The following CRTC1 variants were observed in gnomAD, a reference collection of about 807,000 sequenced individuals.
CRTC1 encodes the protein CREB regulated transcription coactivator 1.
A neutral mutation model predicts 66.1 loss-of-function variants in CRTC1; 18 were observed. The ratio of observed to expected loss-of-function variants is 0.27; its 90% confidence interval spans 0.19 to 0.40. CRTC1 has a LOEUF of 0.40. CRTC1 is among the 10% of genes least tolerant of loss of function. The pLI is 1.00. For synonymous variants in CRTC1, 416 were observed against 398.8 expected, an observed-to-expected ratio of 1.04 and a Z score of -0.51; for missense variants, 669 against 887.9, an observed-to-expected ratio of 0.75 and a Z score of 3.13.
intron 1 of CRTC1, among the ~76,000 whole-genome samples, chr19:18,702,084 CG>C (rs778266861): frequency 2.2e-4 from 33 of 151,520 alleles, no homozygotes; most frequent in Non-Finnish European, 3.8e-4. Flanking sequence ...CCACCACACC[CG>C]GCTAATTTTG....
chr19:18,731,431 G>A (rs2053885915), intron 1 of CRTC1, among the ~76,000 whole-genome samples: 2 of 152,268 alleles, frequency 1.3e-5, no homozygotes, highest in South Asian at 4.2e-4. Context: ...CCTCTCATGG[G>A]GGCACCAGTC....
rs2055082591 is a variant in CRTC1 at position 18,780,488 on chromosome 19, G to A, written c.*3106G>A. The A allele has an allele frequency of 4.3e-6, 1 of 231,636 alleles. No homozygotes were observed. Among genetic ancestry groups the A allele is most frequent in the East Asian group, 6.1e-5 (1 of 16,376 alleles). 14.3% of individuals were successfully genotyped at this position (231,636 alleles called of 1,614,324 possible). On this transcript the variant is annotated 3_prime_UTR_variant, in exon 14 of 14. Transcript: ENST00000321949. Reference sequence around the variant, plus strand: ...TGGGTTTTCGGCTCTGGGGAGGAGAGTGTTGGCATCAGTGTGTTTGGCCTG... The same window carrying A: ...TGGGTTTTCGGCTCTGGGGAGGAGAATGTTGGCATCAGTGTGTTTGGCCTG...
intron 1 of CRTC1, among the ~76,000 whole-genome samples, chr19:18,731,875 G>A (rs1302370972): frequency 6.6e-6 from 1 of 152,208 alleles, no homozygotes; most frequent in African/African-American, 2.4e-5. Flanking sequence ...TTTAGGGCTA[G>A]CGCACACTGG....
chr19:18,719,668 G>T (rs994948303), intron 1 of CRTC1, among the ~76,000 whole-genome samples: 1 of 152,226 alleles, frequency 6.6e-6, no homozygotes, highest in Non-Finnish European at 1.5e-5. Flanking sequence ...GTGTCAGCAG[G>T]CAGATGCCGT....
chr19:18,720,026 G>T (rs978137426), intron 1 of CRTC1, among the ~76,000 whole-genome samples: 18 of 152,220 alleles, frequency 1.2e-4, no homozygotes, highest in Admixed American at 1.0e-3. Flanking sequence ...TTATTCAATT[G>T]GTGATAAGAT....
intron 6 of CRTC1, among the ~76,000 whole-genome samples, chr19:18,756,334 C>A (rs868554787): frequency 8.1e-4 from 59 of 73,200 alleles, no homozygotes; most frequent in South Asian, 2.0e-3. Context: ...AACTCCATCT[C>A]AAAAAAAAAA....
chr19:18,764,669 T>C (rs1057460715), intron 8 of CRTC1, among the ~76,000 whole-genome samples: 4 of 152,044 alleles, frequency 2.6e-5, no homozygotes, highest in Non-Finnish European at 5.9e-5. Flanking sequence ...GGGGGAAGGA[T>C]GTTAAGGAGT....
At position 18,760,576 on chromosome 19, in the gene CRTC1, G is replaced by C. The variant is rs921085859; in HGVS notation, c.886+348G>C. On this transcript the variant is annotated intron_variant, in intron 8 of 13. Transcript: ENST00000321949. This position sits in a 1 kb window ranked among gnomAD's most constrained non-coding sequence, Gnocchi z 6.2. ...CCTCCTCGACCCCAGCCCCTCATTG[G>C]GGGGCGGGACCAGGCCTGACCTGCT... 1.3e-5 allele frequency among the ~76,000 whole-genome samples: 2 copies of C among 151,786 alleles called. No homozygotes were observed. Among genetic ancestry groups the C allele is most frequent in the Non-Finnish European group, 2.9e-5 (2 of 67,884 alleles).
intron 9 of CRTC1, among the ~76,000 whole-genome samples, chr19:18,767,193 T>A (rs1358029465): frequency 1.3e-5 from 2 of 152,080 alleles, no homozygotes; most frequent in Non-Finnish European, 2.9e-5. Flanking sequence ...TTTTATTTTT[T>A]AATTTTAATT....
In CRTC1 at chr19:18,768,758, C is replaced by A. The variant is rs1258592925; in HGVS notation, c.1285C>A (p.Pro429Thr). 1 of 1,602,692 alleles carries A rather than the reference C, an allele frequency of 6.2e-7. No homozygotes were observed. The highest frequency in any genetic ancestry group is 2.3e-5 in the East Asian group (1 of 44,352). Residue 429 changes from proline to threonine, a missense_variant, in exon 10 of 14, where the codon CCT (proline) becomes ACT (threonine). Pro to Thr is a conservative substitution (Grantham distance 38, BLOSUM62 -1). Around this residue, in one of 8 missense-constraint regions of CRTC1, gnomAD observed 241 missense variants for 242.2 expected, o/e 0.99. Coordinates refer to ENST00000321949, the MANE Select transcript of CRTC1 (RefSeq NM_015321.3). This position sits in a 1 kb window ranked among gnomAD's most constrained non-coding sequence, Gnocchi z 5.6. ...TCTCCCCCAGTCCCCCCCAGAGAACCCTGGCCAGCCATCGATGGGGATCGA... is the reference window on the plus strand; with the variant it reads ...TCTCCCCCAGTCCCCCCCAGAGAACACTGGCCAGCCATCGATGGGGATCGA... ...SSLPQSPPEN[P>T]GQPSMGIDIA...
intron 1 of CRTC1, among the ~76,000 whole-genome samples, chr19:18,725,720 T>C (rs1448075718): frequency 6.6e-6 from 1 of 152,172 alleles, no homozygotes; most frequent in East Asian, 1.9e-4. Flanking sequence ...CTTTCTCCTC[T>C]TCTGAGTCTA....
rs763664107 is a variant in CRTC1, at chr19:18,710,516, G to A, written c.126+26688G>A. ...CCGGCCGGGCTCCTGGCTGTGTTGA[G>A]CTGTTCCCTCCCATGGGGGCTTTGG... On this transcript the variant is annotated intron_variant, in intron 1 of 13. Transcript: ENST00000321949. Among the ~76,000 whole-genome samples, 65 of 152,238 alleles carry A rather than the reference G, an allele frequency of 4.3e-4. 1 individual carries two copies. The highest frequency in any genetic ancestry group is 1.2e-4 in the Non-Finnish European group (8 of 68,046).
intron 1 of CRTC1, among the ~76,000 whole-genome samples, chr19:18,705,432 C>G (rs1368429571): frequency 6.6e-6 from 1 of 152,158 alleles, no homozygotes; most frequent in South Asian, 2.1e-4. Context: ...GCGGTTCTGC[C>G]TCAGCCTCCC....
chr19:18,697,546 G>A (rs1479646274), intron 1 of CRTC1, among the ~76,000 whole-genome samples: 1 of 152,220 alleles, frequency 6.6e-6, no homozygotes, highest in Non-Finnish European at 1.5e-5. Context: ...CTGACCTCAA[G>A]TAATTCTCCC....
chr19:18,721,678 A>G (rs965436945), intron 1 of CRTC1, among the ~76,000 whole-genome samples: 6 of 152,028 alleles, frequency 3.9e-5, no homozygotes, highest in African/African-American at 1.4e-4. Flanking sequence ...TATTTTTAGT[A>G]GAGACGGGGT....
intron 11 of CRTC1, 146 bp from the exon 12 acceptor site, chr19:18,774,754 C>T: frequency 1.4e-6 from 1 of 732,138 alleles, no homozygotes; most frequent in Non-Finnish European, 2.3e-6. Context: ...GGGGGCACTT[C>T]TGGAACCCCA....
At chr19:18,713,207 C>A (rs1426841459) in intron 1 of CRTC1, among the ~76,000 whole-genome samples, 2 of 152,236 alleles carry the variant, frequency 1.3e-5, no homozygotes, top group African/African-American at 4.8e-5. Context: ...GGCTGAATAG[C>A]ATTCTGCTGT....
Position 18,780,298 on chromosome 19 carries a change from A to T in CRTC1, c.*2916A>T, listed in dbSNP as rs1309758707. Reference sequence around the variant, plus strand: ...ACATCGGTCCCCTACGGCGAAGTTCAGCCAGGGCTCTCCCTCCTGAGAGCA... The same window carrying T: ...ACATCGGTCCCCTACGGCGAAGTTCTGCCAGGGCTCTCCCTCCTGAGAGCA... On this transcript the variant is annotated 3_prime_UTR_variant, in exon 14 of 14. Transcript: ENST00000321949. The T allele has an allele frequency of 8.6e-6, 2 of 231,602 alleles. No individual in the cohort carries two copies. Among genetic ancestry groups the T allele is most frequent in the African/African-American group, 4.4e-5 (2 of 45,244 alleles). 14.3% of individuals were successfully genotyped at this position (231,602 alleles called of 1,614,324 possible). A position where few individuals can be genotyped will look rare whatever the true frequency, so the allele number is the denominator to read the frequency against.
intron 5 of CRTC1, among the ~76,000 whole-genome samples, chr19:18,751,426 A>C (rs571482723): frequency 1.3e-4 from 20 of 152,290 alleles, no homozygotes; most frequent in Admixed American, 7.2e-4. Flanking sequence ...CGGGAGGCTG[A>C]GGCAGGAGGG....
Sources: gnomAD v4.1 joint callset for allele counts (sites outside exome capture counted in the v4.1 genomes callset) on GRCh38, gnomAD v4.1.1 for gene constraint, gnomAD v4.1.1 regional missense constraint, Gnocchi (gnomAD v3.1) non-coding constraint, MANE v1.5 for transcripts, NCBI Gene and HGNC (gene_info 2026-07-23, HGNC 2026-07-21) for gene names.